The following DPH6 variants were observed in gnomAD, a reference collection of about 807,000 sequenced individuals.
The protein encoded by DPH6 is diphthine--ammonia ligase.
Under a neutral mutation model 38.2 loss-of-function variants are expected in DPH6, and 33 were observed. That is an observed-to-expected ratio of 0.86 (90% CI 0.65 to 1.15). The LOEUF (loss-of-function observed/expected upper bound fraction) is 1.15, where lower values mean the gene tolerates loss of function less well. Ranked by LOEUF, DPH6 falls within the 50% of genes most tolerant of loss-of-function variation. The pLI, the probability that DPH6 is intolerant of heterozygous loss-of-function variation, is 0.00. For missense variants in DPH6, 325 were observed against 320.0 expected (o/e 1.02, Z -0.12); for synonymous variants, 108 against 103.0 (o/e 1.05, Z -0.30).
chr15:35,450,722 A>C lies in DPH6; in HGVS notation c.468T>G (p.Ser156=), dbSNP rs777260966. Residue 156 remains serine (S), a synonymous_variant, in exon 5 of 9, where the codon TCT becomes TCG. Coordinates refer to ENST00000256538, the MANE Select transcript of DPH6 (RefSeq NM_080650.4). ...CTTTGATGATCATTGCTTGAATGTTAGATGATATCATCTCTCTGAGCAAAT... is the reference window on the plus strand; with the variant it reads ...CTTTGATGATCATTGCTTGAATGTTCGATGATATCATCTCTCTGAGCAAAT... ...QEDLLREMIS[S]NIQAMIIKVA... 2 of 1,613,374 alleles carry C rather than the reference A, an allele frequency of 1.2e-6. No homozygotes were observed. The highest frequency in any genetic ancestry group is 1.7e-6 in the Non-Finnish European group (2 of 1,179,660).
chr15:35,447,190 C>T (rs1407581558), intron 5 of DPH6, among the ~76,000 whole-genome samples: 1 of 152,134 alleles, frequency 6.6e-6, no homozygotes, highest in Non-Finnish European at 1.5e-5. Context: ...TCACCAATTT[C>T]CCTTCTCTCC....
intron 3 of DPH6, among the ~76,000 whole-genome samples, chr15:35,292,859 G>A (rs371635740): frequency 6.6e-6 from 1 of 151,904 alleles, no homozygotes; most frequent in African/African-American, 2.4e-5. Flanking sequence ...CTCATCTGTC[G>A]TAATATGTTT....
In DPH6 at chr15:35,461,584, C is replaced by CTT. The variant is rs112609768; in HGVS notation, c.313-6766_313-6765dup. On this transcript the variant is annotated intron_variant, in intron 3 of 8. Transcript: ENST00000256538. ...AATGAAAGAAATTCTTAGTTGTGAT[C>CTT]TTTTTTTTTTTTTTAAGGAAAGAAG... is the stretch of plus-strand genomic sequence containing the variant. Among the ~76,000 whole-genome samples, 216 of 139,358 alleles carry CTT rather than the reference C, an allele frequency of 1.5e-3. 1 individual carries two copies. Among genetic ancestry groups the CTT allele is most frequent in the African/African-American group, 5.2e-3 (198 of 38,068 alleles). The allele number at this position is 139,358 out of a possible 152,430, so 91.4% of individuals were successfully genotyped here. A position where few individuals can be genotyped will look rare whatever the true frequency, so the allele number is the denominator to read the frequency against.
chr15:35,241,046 C>T (rs967510045), intron 3 of DPH6, among the ~76,000 whole-genome samples: 1 of 142,948 alleles, frequency 7.0e-6, no homozygotes, highest in Middle Eastern at 3.6e-3. Flanking sequence ...GCTTGCTACA[C>T]GTGCCGGAAA....
chr15:35,476,491 CAG>C (rs2141138460), intron 3 of DPH6, among the ~76,000 whole-genome samples: 1 of 151,666 alleles, frequency 6.6e-6, no homozygotes, highest in African/African-American at 2.4e-5. Flanking sequence ...TCTGAAATAC[CAG>C]AAAATTAGAA....
intron 3 of DPH6, among the ~76,000 whole-genome samples, chr15:35,309,139 C>T (rs2052118280): frequency 6.6e-6 from 1 of 152,192 alleles, no homozygotes; most frequent in Non-Finnish European, 1.5e-5. Context: ...TGTTCTGGAC[C>T]AGTGTCTGGT....
At chr15:35,221,510 TGTCTGCAGA>T (rs752713191) in intron 3 of DPH6, among the ~76,000 whole-genome samples, 1 of 152,202 alleles carries the variant, frequency 6.6e-6, no homozygotes, top group Admixed American at 6.5e-5. Context: ...ATGCACTCTG[TGTCTGCAGA>T]GTTATCACCA....
chr15:35,372,251 T>A, intron 8 of DPH6, 48 bp from the exon 9 acceptor site: 1 of 1,376,426 alleles, frequency 7.3e-7, no homozygotes, highest in Middle Eastern at 1.9e-4. Flanking sequence ...CCATATTTAT[T>A]CAGTGTCAGT....
chr15:35,393,509 G>A (rs2053087465), intron 6 of DPH6, among the ~76,000 whole-genome samples: 2 of 152,150 alleles, frequency 1.3e-5, no homozygotes, highest in Admixed American at 1.3e-4. Flanking sequence ...AAGTATGAAT[G>A]GAGGACAAAA....
Position 35,260,308 on chromosome 15 carries a change from A to C in DPH6, n.201-39726T>G, listed in dbSNP as rs534733174. On this transcript the variant is annotated intron_variant and non_coding_transcript_variant, in intron 3 of 3. Coordinates refer to the DPH6 transcript ENST00000560386. ...TTTTTAGTAGAGACAGGGTTTCACC[A>C]TGTTGGCCAGGCTGGTCTTGAACTC... 7.2e-5 allele frequency among the ~76,000 whole-genome samples: 11 copies of C among 152,090 alleles called. 1 individual carries two copies. In the East Asian group the frequency reaches 2.1e-3, roughly 29 times the overall value.
the DPH6 span, among the ~76,000 whole-genome samples, chr15:35,170,043 G>A: frequency 6.6e-6 from 1 of 152,168 alleles, no homozygotes; most frequent in East Asian, 1.9e-4. Flanking sequence ...AACCCACTGA[G>A]GGGCTTTGCA....
At chr15:35,252,987 G>T (rs1184642678) in intron 3 of DPH6, among the ~76,000 whole-genome samples, 1 of 152,168 alleles carries the variant, frequency 6.6e-6, no homozygotes, top group African/African-American at 2.4e-5. Context: ...TGTGAACAGG[G>T]TTAGTAATAA....
chr15:35,442,209 A>G (rs1333199743), intron 5 of DPH6, among the ~76,000 whole-genome samples: 2 of 152,196 alleles, frequency 1.3e-5, no homozygotes, highest in Non-Finnish European at 2.9e-5. Flanking sequence ...ATTAAAATAT[A>G]GGCAAAGGAT....
intron 3 of DPH6, among the ~76,000 whole-genome samples, chr15:35,351,753 A>T (rs1414106709): frequency 6.8e-6 from 1 of 146,812 alleles, no homozygotes; most frequent in Non-Finnish European, 1.5e-5. Flanking sequence ...ACAAGGTGTC[A>T]CTCTGTCACT....
At chr15:35,501,315 C>G (rs971028298) in intron 3 of DPH6, among the ~76,000 whole-genome samples, 1 of 152,124 alleles carries the variant, frequency 6.6e-6, no homozygotes, top group Admixed American at 6.6e-5. Flanking sequence ...CAAAGTGATG[C>G]TCATGAATAC....
chr15:35,290,895 T>C (rs1055692439), intron 3 of DPH6, among the ~76,000 whole-genome samples: 3 of 152,190 alleles, frequency 2.0e-5, no homozygotes, highest in Non-Finnish European at 4.4e-5. Flanking sequence ...CCTATCACAT[T>C]CTCGTGTAGT....
the DPH6 span, among the ~76,000 whole-genome samples, chr15:35,200,391 C>T: frequency 6.6e-6 from 1 of 151,956 alleles, no homozygotes; most frequent in Admixed American, 6.6e-5. Context: ...TTGAATTGGT[C>T]TACATTAGAT....
intron 1 of DPH6, among the ~76,000 whole-genome samples, chr15:35,542,965 T>TATATATATATATATATATAAA (rs58422347): frequency 1.3e-4 from 10 of 76,170 alleles, no homozygotes; most frequent in South Asian, 5.9e-4. Context: ...TATATATATA[T>TATATATATATATATATATAAA]AAAATAATTT....
chr15:35,379,473 A>G (rs1356121929), intron 7 of DPH6, among the ~76,000 whole-genome samples: 2 of 152,198 alleles, frequency 1.3e-5, no homozygotes, highest in African/African-American at 4.8e-5. Context: ...ATTAATACTC[A>G]ATTGTTAAAA....
Sources: gnomAD v4.1 joint callset for allele counts (sites outside exome capture counted in the v4.1 genomes callset) on GRCh38, gnomAD v4.1.1 for gene constraint, MANE v1.5 for transcripts, NCBI Gene and HGNC (gene_info 2026-07-23, HGNC 2026-07-21) for gene names.